CTNNA3: variants seen among roughly 807,000 people sequenced by gnomAD.
CTNNA3 encodes catenin alpha 3.
CTNNA3 carries 76 observed loss-of-function variants against 95.7 expected under a neutral mutation model. That is an observed-to-expected ratio of 0.79 (90% CI 0.66 to 0.96). The LOEUF (loss-of-function observed/expected upper bound fraction) is 0.96. Among genes scored for constraint, CTNNA3 ranks in the 40% least tolerant of loss-of-function variants. The probability of loss-of-function intolerance (pLI) is 0.00; values close to 1 mark genes in which losing one functional copy is unlikely to be tolerated. For missense variants in CTNNA3, 1,191 were observed against 1,089.8 expected (o/e 1.09, Z -1.31); for synonymous variants, 431 against 374.4 (o/e 1.15, Z -1.74).
At chr10:67,726,636 T>C (rs1291930980) in intron 1 of CTNNA3, among the ~76,000 whole-genome samples, 1 of 84,746 alleles carries the variant, frequency 1.2e-5, no homozygotes, top group Non-Finnish European at 2.1e-5. Context: ...TTATATTATA[T>C]ATAATATATA....
At chr10:67,444,212 G>A (rs547304536) in intron 5 of CTNNA3, among the ~76,000 whole-genome samples, 2 of 152,178 alleles carry the variant, frequency 1.3e-5, no homozygotes, top group African/African-American at 4.8e-5. Flanking sequence ...GGCCACAGTG[G>A]AATAAAACTA....
At chr10:67,365,232 G>C (rs1350903291) in intron 5 of CTNNA3, among the ~76,000 whole-genome samples, 1 of 152,126 alleles carries the variant, frequency 6.6e-6, no homozygotes, top group Non-Finnish European at 1.5e-5. Context: ...ACTCAAGATG[G>C]AGCACAGACT....
rs141200289 is a variant in CTNNA3, at chr10:66,406,398, GGTACTT to G, written c.1532-27052_1532-27047del. On this transcript the variant is annotated intron_variant, in intron 11 of 17. Coordinates refer to ENST00000433211, the MANE Select transcript of CTNNA3 (RefSeq NM_013266.4). ...CATTGAAAAGCTTTTTCCTGTCCAAGGTACTTGTTCTATAAGCTTTCTTGCTGCCTG... is the reference window on the plus strand; with the variant it reads ...CATTGAAAAGCTTTTTCCTGTCCAAGGTTCTATAAGCTTTCTTGCTGCCTG... 4.8e-3 allele frequency among the ~76,000 whole-genome samples: 725 copies of G among 152,254 alleles called. 2 individuals carry two copies. The highest frequency in any genetic ancestry group is 0.016 in the African/African-American group (676 of 41,564).
chr10:67,413,241 C>CTTTCATCATTCATTCTTCATG (rs1845431100), intron 5 of CTNNA3, among the ~76,000 whole-genome samples: 1 of 152,102 alleles, frequency 6.6e-6, no homozygotes, highest in Non-Finnish European at 1.5e-5. Flanking sequence ...CATTCTTCAT[C>CTTTCATCATTCATTCTTCATG]TTTCATCATT....
intron 15 of CTNNA3, among the ~76,000 whole-genome samples, chr10:66,000,605 G>A (rs1056690956): frequency 1.3e-5 from 2 of 151,650 alleles, no homozygotes; most frequent in Non-Finnish European, 2.9e-5. Flanking sequence ...TTTCTTTGAT[G>A]TTTATATAGA....
chr10:66,376,639 G>C (rs558541750), intron 12 of CTNNA3, among the ~76,000 whole-genome samples: 7 of 152,204 alleles, frequency 4.6e-5, no homozygotes, highest in African/African-American at 1.7e-4. Context: ...GGCAAACTTT[G>C]CAAAGACGGA....
chr10:66,217,065 G>A (rs1028954302), intron 13 of CTNNA3, among the ~76,000 whole-genome samples: 1 of 151,974 alleles, frequency 6.6e-6, no homozygotes, highest in Admixed American at 6.6e-5. Context: ...TATATAAATG[G>A]AGTCATACAG....
At chr10:67,741,228 G>A (rs1214179721) in intron 1 of CTNNA3, among the ~76,000 whole-genome samples, 2 of 150,144 alleles carry the variant, frequency 1.3e-5, no homozygotes, top group Non-Finnish European at 3.0e-5. Flanking sequence ...GTTAGTGGGT[G>A]CAGCGCACCA....
At chr10:66,984,599 G>A (rs372290112) in intron 7 of CTNNA3, among the ~76,000 whole-genome samples, 7 of 152,044 alleles carry the variant, frequency 4.6e-5, no homozygotes, top group Admixed American at 1.3e-4. Context: ...TTCTCAATGC[G>A]TTCATGATTC....
At chr10:66,825,341 T>A (rs1842469252) in intron 7 of CTNNA3, among the ~76,000 whole-genome samples, 1 of 150,694 alleles carries the variant, frequency 6.6e-6, no homozygotes, top group South Asian at 2.1e-4. Context: ...GGTGGTGCAA[T>A]CTCAGCTCAC....
At chr10:66,600,650 CT>C (rs1192225976) in intron 10 of CTNNA3, among the ~76,000 whole-genome samples, 1 of 151,824 alleles carries the variant, frequency 6.6e-6, no homozygotes, top group Non-Finnish European at 1.5e-5. Flanking sequence ...CAAAATCTCT[CT>C]TGGTATCAAA....
intron 3 of CTNNA3, among the ~76,000 whole-genome samples, chr10:67,540,918 C>CA (rs1407234965): frequency 6.6e-6 from 1 of 151,824 alleles, no homozygotes; most frequent in Non-Finnish European, 1.5e-5. Flanking sequence ...GTATCTCAAT[C>CA]AAGTCACTTA....
At chr10:67,169,932 A>G (rs1861940925) in intron 7 of CTNNA3, among the ~76,000 whole-genome samples, 2 of 152,210 alleles carry the variant, frequency 1.3e-5, no homozygotes, top group African/African-American at 4.8e-5. Context: ...TTGACAAAAG[A>G]AAAACAACCC....
intron 7 of CTNNA3, among the ~76,000 whole-genome samples, chr10:67,048,013 T>A (rs1854857344): frequency 6.6e-6 from 1 of 152,168 alleles, no homozygotes. Context: ...GTACCATGTG[T>A]TCTTTCTAAG....
At chr10:66,616,542 A>C (rs1844520575) in intron 10 of CTNNA3, among the ~76,000 whole-genome samples, 1 of 152,072 alleles carries the variant, frequency 6.6e-6, no homozygotes, top group Non-Finnish European at 1.5e-5. Context: ...GTTTCAACTC[A>C]TGTCACTATT....
intron 3 of CTNNA3, among the ~76,000 whole-genome samples, chr10:67,554,691 C>T (rs996665906): frequency 6.6e-6 from 1 of 152,158 alleles, no homozygotes; most frequent in East Asian, 1.9e-4. Context: ...AAATTTTCTC[C>T]CATTCTATAC....
chr10:67,511,352 T>C (rs921519187), intron 5 of CTNNA3, among the ~76,000 whole-genome samples: 4 of 152,220 alleles, frequency 2.6e-5, no homozygotes, highest in Non-Finnish European at 5.9e-5. Context: ...TAGCTGTTAT[T>C]ATTTTGAGAT....
chr10:66,806,953 A>G (rs923086242), intron 7 of CTNNA3, among the ~76,000 whole-genome samples: 4 of 152,068 alleles, frequency 2.6e-5, no homozygotes, highest in African/African-American at 9.7e-5. Context: ...AGTAAAACAC[A>G]GGTAAATGGA....
At chr10:66,082,934 G>T (rs1342089609) in intron 14 of CTNNA3, among the ~76,000 whole-genome samples, 1 of 151,762 alleles carries the variant, frequency 6.6e-6, no homozygotes, top group Admixed American at 6.6e-5. Flanking sequence ...TTTAAGTATT[G>T]TCATATATAT....
Sources: allele counts gnomAD v4.1 joint callset (sites outside exome capture counted in the v4.1 genomes callset), GRCh38; gene constraint gnomAD v4.1.1; transcripts MANE v1.5; gene names NCBI Gene and HGNC (gene_info 2026-07-23, HGNC 2026-07-21).